TNKS: variants seen among roughly 807,000 people sequenced by gnomAD.
TNKS encodes poly [ADP-ribose] polymerase tankyrase-1.
TNKS carries 72 observed loss-of-function variants against 135.8 expected under a neutral mutation model. The ratio of observed to expected loss-of-function variants is 0.53; its 90% CI spans 0.44 to 0.64. TNKS has a LOEUF of 0.64. TNKS is among the 30% of genes least tolerant of loss of function. TNKS has a pLI of 0.00. For missense variants in TNKS, 1,769 were observed against 1,674.0 expected (o/e 1.06, Z -0.99); for synonymous variants, 849 against 649.3 (o/e 1.31, Z -4.68).
intron 17 of TNKS, among the ~76,000 whole-genome samples, chr8:9,746,439 G>A (rs1204278645): frequency 1.3e-5 from 2 of 152,146 alleles, no homozygotes; most frequent in East Asian, 3.8e-4. Context: ...CATGGAACTT[G>A]CTTCTGTATT....
intron 1 of TNKS, among the ~76,000 whole-genome samples, chr8:9,567,669 G>A (rs1171147281): frequency 1.3e-5 from 2 of 152,144 alleles, no homozygotes; most frequent in Non-Finnish European, 1.5e-5. Context: ...TGCCCGCCTT[G>A]GCCTCCCAAA....
chr8:9,585,920 A>C (rs909738069), intron 2 of TNKS, among the ~76,000 whole-genome samples: 3 of 152,178 alleles, frequency 2.0e-5, no homozygotes, highest in African/African-American at 4.8e-5. Context: ...GTTGGAGTCA[A>C]AGAGACCTGT....
At position 9,740,509 on chromosome 8, in the gene TNKS, A is replaced by G. The variant is rs568408354; in HGVS notation, c.2643+5023A>G. ...CAAAGACCTGTATTTCAGAGAGAGG[A>G]CAAATCTGAGTGAGGATACTTTTAA... is the stretch of plus-strand genomic sequence containing the variant. On this transcript the variant is annotated intron_variant, in intron 17 of 26. Coordinates refer to ENST00000310430, the MANE Select transcript of TNKS (RefSeq NM_003747.3). Among the ~76,000 whole-genome samples the G allele has an allele frequency of 7.2e-5, 11 of 152,330 alleles. No homozygotes were observed. The East Asian group carries it at 2.1e-3, about 29-fold the overall frequency.
intron 3 of TNKS, among the ~76,000 whole-genome samples, chr8:9,645,845 T>G (rs1344250768): frequency 1.3e-5 from 2 of 152,172 alleles, no homozygotes; most frequent in Non-Finnish European, 2.9e-5. Context: ...GAAAGTTCTG[T>G]TTTTGAAAAT....
intron 3 of TNKS, among the ~76,000 whole-genome samples, chr8:9,643,401 A>G (rs1800792595): frequency 1.6e-5 from 2 of 128,022 alleles, no homozygotes; most frequent in African/African-American, 5.8e-5. Flanking sequence ...TTTGCTTTTT[A>G]TAAGAAGCTC....
chr8:9,624,982 GCAGAACCCACA>G (rs1289363235), intron 3 of TNKS, among the ~76,000 whole-genome samples: 1 of 152,036 alleles, frequency 6.6e-6, no homozygotes, highest in Non-Finnish European at 1.5e-5. Flanking sequence ...ATCCATAAAT[GCAGAACCCACA>G]GATACATAGG....
At chr8:9,736,290 G>A (rs1420584425) in intron 17 of TNKS, among the ~76,000 whole-genome samples, 2 of 150,104 alleles carry the variant, frequency 1.3e-5, no homozygotes, top group Admixed American at 6.6e-5. Flanking sequence ...GGCTGAGGTG[G>A]GAAGATCGCT....
At chr8:9,759,964 C>T (rs1439921429) in intron 20 of TNKS, among the ~76,000 whole-genome samples, 7 of 148,934 alleles carry the variant, frequency 4.7e-5, no homozygotes, top group Non-Finnish European at 8.9e-5. Context: ...GGCGACAGAG[C>T]GAGACTCTGT....
intron 1 of TNKS, chr8:9,557,474 A>G (rs1815374224): frequency 6.6e-6 from 1 of 151,886 alleles, no homozygotes; most frequent in South Asian, 2.1e-4. Context: ...AATAAAGAGA[A>G]CTGTAAAATA....
At chr8:9,678,050 A>G (rs113526007) in intron 3 of TNKS, among the ~76,000 whole-genome samples, 5 of 152,100 alleles carry the variant, frequency 3.3e-5, no homozygotes, top group African/African-American at 4.8e-5. Context: ...ATTTCATACA[A>G]TTTCTTTACT....
chr8:9,717,194 C>T (rs990681545), intron 11 of TNKS, among the ~76,000 whole-genome samples: 2 of 148,040 alleles, frequency 1.4e-5, no homozygotes, highest in Non-Finnish European at 3.0e-5. Flanking sequence ...AATCCAGTTC[C>T]GTACTCTGTA....
rs376610791 is a variant in TNKS at position 9,748,194 on chromosome 8, G to A, written c.2814G>A (p.Thr938=). ...DPTMKNQEGQ[T]PLDLATADDI... is the part of the protein sequence containing the mutation. ...CCATGAAGAACCAGGAAGGCCAGAC[G>A]CCTCTGGATCTGGCAACAGTAAGTC... is the stretch of plus-strand genomic sequence containing the variant. The change falls in exon 18 of 27, where the codon ACG becomes ACA. Residue 938 remains threonine (T), a synonymous_variant. Transcript: ENST00000310430. 5.4e-5 allele frequency: 84 copies of A among 1,565,492 alleles called. No homozygotes were observed. The highest frequency in any genetic ancestry group is 6.9e-5 in the African/African-American group (5 of 72,718).
At chr8:9,736,357 A>T (rs1176035124) in intron 17 of TNKS, among the ~76,000 whole-genome samples, 51 of 150,514 alleles carry the variant, frequency 3.4e-4, no homozygotes, top group African/African-American at 1.1e-3. Context: ...ATCTAAAAAA[A>T]AAAAAAAAAA....
chr8:9,626,397 G>A (rs1800054548), intron 3 of TNKS, among the ~76,000 whole-genome samples: 1 of 152,172 alleles, frequency 6.6e-6, no homozygotes, highest in South Asian at 2.1e-4. Flanking sequence ...TGAGATTTAT[G>A]GCAAATTCCT....
chr8:9,710,299 A>AT (rs747708812), intron 11 of TNKS, 79 bp downstream of exon 11: 6 of 1,349,504 alleles, frequency 4.4e-6, no homozygotes, highest in Non-Finnish European at 6.3e-6. Flanking sequence ...TCTCTCTCCG[A>AT]TTTTTCTGAA....
chr8:9,646,390 T>A (rs1053975518), intron 3 of TNKS, among the ~76,000 whole-genome samples: 2 of 152,192 alleles, frequency 1.3e-5, no homozygotes, highest in Non-Finnish European at 2.9e-5. Context: ...CTGTAGTTAT[T>A]ATTCTTCATT....
intron 3 of TNKS, among the ~76,000 whole-genome samples, chr8:9,677,462 C>G (rs965595569): frequency 6.6e-6 from 1 of 152,126 alleles, no homozygotes; most frequent in Admixed American, 6.6e-5. Flanking sequence ...TATTACCACT[C>G]TTATTGGAGT....
At chr8:9,754,201 G>T (rs149921824) in intron 20 of TNKS, among the ~76,000 whole-genome samples, 14 of 152,108 alleles carry the variant, frequency 9.2e-5, no homozygotes, top group South Asian at 2.1e-4. Flanking sequence ...GAACATAGAC[G>T]TATCATTTTG....
chr8:9,623,445 T>A (rs1799941206), intron 3 of TNKS, among the ~76,000 whole-genome samples: 1 of 152,134 alleles, frequency 6.6e-6, no homozygotes, highest in Admixed American at 6.5e-5. Context: ...TTTTTTTTTT[T>A]TTTTTTGGTT....
Sources: gnomAD v4.1 joint callset for allele counts (sites outside exome capture counted in the v4.1 genomes callset) on GRCh38, gnomAD v4.1.1 for gene constraint, MANE v1.5 for transcripts, NCBI Gene and HGNC (gene_info 2026-07-23, HGNC 2026-07-21) for gene names.